The following STK31 variants were observed in gnomAD, a reference collection of about 807,000 sequenced individuals.
The protein encoded by STK31 is serine/threonine kinase 31, also known as serine/threonine-protein kinase 31.
A neutral mutation model predicts 129.7 loss-of-function variants in STK31; 89 were observed. The ratio of observed to expected loss-of-function variants is 0.69; its 90% CI spans 0.58 to 0.82. The LOEUF (loss-of-function observed/expected upper bound fraction) is 0.82. Among genes scored for constraint, STK31 ranks in the 40% least tolerant of loss-of-function variants. STK31 has a pLI of 0.00. For synonymous variants in STK31, 448 were observed against 395.3 expected, an observed-to-expected ratio of 1.13 and a Z score of -1.58; for missense variants, 1,187 against 1,176.4, an observed-to-expected ratio of 1.01 and a Z score of -0.13.
At chr7:23,757,977 A>G (rs774878336) in intron 10 of STK31, among the ~76,000 whole-genome samples, 19 of 152,222 alleles carry the variant, frequency 1.2e-4, no homozygotes, top group Admixed American at 2.0e-4. Flanking sequence ...AACAAAGCAC[A>G]TCCTGCATAG....
At chr7:23,822,247 C>G (rs1182814237) in intron 23 of STK31, among the ~76,000 whole-genome samples, 1 of 152,128 alleles carries the variant, frequency 6.6e-6, no homozygotes, top group Non-Finnish European at 1.5e-5. Flanking sequence ...TTTAACAATA[C>G]TAATCTTCTG....
chr7:23,769,745 A>G lies in STK31; in HGVS notation c.1702A>G (p.Ile568Val). ...TESSVCKELE[I>V]ALVDQGDADK... ...GTCAAGTGTCTGCAAAGAGCTGGAG[A>G]TAGCTCTGGTTGTGAGTATCGATAT... The change falls in exon 13 of 24, where the codon ATA (isoleucine) becomes GTA (valine). Residue 568 changes from isoleucine to valine, a missense_variant. Physicochemically the swap from Ile to Val is conservative, Grantham distance 29. Transcript: ENST00000355870. The G allele has an allele frequency of 1.3e-6, 2 of 1,597,706 alleles. No individual in the cohort carries two copies. Among genetic ancestry groups the G allele is most frequent in the Non-Finnish European group, 1.7e-6 (2 of 1,167,322 alleles).
intron 12 of STK31, among the ~76,000 whole-genome samples, 168 bp downstream of exon 12, chr7:23,769,342 C>G (rs1790036006): frequency 1.3e-5 from 2 of 152,126 alleles, no homozygotes; most frequent in Admixed American, 6.5e-5. Flanking sequence ...TCAGATTGCT[C>G]CTTTTATTAG....
At chr7:23,721,777 A>G in intron 4 of STK31, 3 of 664,516 alleles carry the variant, frequency 4.5e-6, no homozygotes, top group Non-Finnish European at 8.5e-6. Context: ...TGTTTTGTCC[A>G]GTTCTGCGTT....
At chr7:23,804,016 G>T (rs147871872) in intron 22 of STK31, among the ~76,000 whole-genome samples, 25 of 152,282 alleles carry the variant, frequency 1.6e-4, no homozygotes, top group Admixed American at 1.6e-3. Context: ...TGTGTGTGTT[G>T]AGGAGTACTG....
intron 10 of STK31, among the ~76,000 whole-genome samples, chr7:23,761,760 TTTTA>T (rs895420327): frequency 6.6e-6 from 1 of 151,342 alleles, no homozygotes; most frequent in Admixed American, 6.6e-5. Flanking sequence ...GTCTTTTCTT[TTTTA>T]TTTATAGTTT....
chr7:23,721,616 A>C, intron 4 of STK31: 1 of 914,970 alleles, frequency 1.1e-6, no homozygotes, highest in Non-Finnish European at 1.8e-6. Flanking sequence ...GAAATTTCTA[A>C]GTGTGCGTCG....
intron 8 of STK31, among the ~76,000 whole-genome samples, chr7:23,740,666 C>T (rs1788004881): frequency 6.6e-6 from 1 of 152,104 alleles, no homozygotes; most frequent in Non-Finnish European, 1.5e-5. Context: ...CCACAACAGT[C>T]CCTGATGTGT....
intron 12 of STK31, 57 bp downstream of exon 12, chr7:23,769,231 T>C: frequency 1.4e-6 from 2 of 1,429,540 alleles, no homozygotes; most frequent in Non-Finnish European, 1.8e-6. Flanking sequence ...ATATATATTT[T>C]AAAAATCACG....
At chr7:23,712,318 A>C in intron 3 of STK31, 32 bp downstream of exon 3, 1 of 1,608,854 alleles carries the variant, frequency 6.2e-7, no homozygotes, top group Non-Finnish European at 8.5e-7. Flanking sequence ...ATCCCCCCTC[A>C]CCTCCCCCAA....
chr7:23,802,573 G>C (rs1792445281), intron 22 of STK31, among the ~76,000 whole-genome samples: 1 of 152,172 alleles, frequency 6.6e-6, no homozygotes, highest in Non-Finnish European at 1.5e-5. Flanking sequence ...GAGTGTACTG[G>C]CACAATCTTG....
intron 4 of STK31, among the ~76,000 whole-genome samples, chr7:23,719,797 A>G (rs78925075): frequency 0.16 from 23,970 of 152,052 alleles, 2,217 homozygotes; most frequent in East Asian, 0.23. Context: ...GTGTGGAATT[A>G]TTGGAGCTGA....
At chr7:23,730,868 ATATATATATATTTT>A (rs1397237937) in intron 6 of STK31, among the ~76,000 whole-genome samples, 1 of 43,992 alleles carries the variant, frequency 2.3e-5, no homozygotes, top group African/African-American at 5.8e-5. Context: ...ATATATATAT[ATATATATATATTTT>A]TTTTTTTTTT....
chr7:23,757,185 A>T (rs1479151383), intron 10 of STK31, among the ~76,000 whole-genome samples: 1 of 152,034 alleles, frequency 6.6e-6, no homozygotes, highest in South Asian at 2.1e-4. Flanking sequence ...TTATTGGTCT[A>T]TTCAGGGATT....
At chr7:23,767,759 T>C (rs939144143) in intron 11 of STK31, among the ~76,000 whole-genome samples, 11 of 152,180 alleles carry the variant, frequency 7.2e-5, no homozygotes, top group African/African-American at 1.7e-4. Context: ...GAAGAGCCTA[T>C]GAAAAAAGTT....
intron 22 of STK31, among the ~76,000 whole-genome samples, chr7:23,812,773 C>A (rs903420873): frequency 2.6e-5 from 4 of 151,938 alleles, no homozygotes. Flanking sequence ...CAGTATTGGG[C>A]TTTCTGATTT....
At chr7:23,803,740 C>G (rs1451037286) in intron 22 of STK31, among the ~76,000 whole-genome samples, 1 of 152,138 alleles carries the variant, frequency 6.6e-6, no homozygotes, top group Non-Finnish European at 1.5e-5. Context: ...TCCTCCTACC[C>G]TCTGCCCTTA....
intron 3 of STK31, among the ~76,000 whole-genome samples, chr7:23,714,649 A>G (rs1222269926): frequency 6.6e-6 from 1 of 152,216 alleles, no homozygotes; most frequent in Admixed American, 6.5e-5. Flanking sequence ...GACTTACAGC[A>G]TATCTCCTTA....
intron 22 of STK31, among the ~76,000 whole-genome samples, chr7:23,804,466 G>A (rs531924119): frequency 2.6e-5 from 4 of 152,210 alleles, no homozygotes; most frequent in African/African-American, 9.6e-5. Context: ...TTAAATTTTA[G>A]CCACAGTTAT....
Sources: allele counts gnomAD v4.1 joint callset (sites outside exome capture counted in the v4.1 genomes callset), GRCh38; gene constraint gnomAD v4.1.1; transcripts MANE v1.5; gene names NCBI Gene and HGNC (gene_info 2026-07-23, HGNC 2026-07-21).